The following LEKR1 variants were observed in gnomAD, a reference collection of about 807,000 sequenced individuals.
LEKR1 encodes leucine, glutamate and lysine rich 1, also known as protein LEKR1.
In LEKR1, 59 loss-of-function variants were observed where a neutral mutation model predicts 72.4. The ratio of observed to expected loss-of-function variants is 0.82; its 90% CI spans 0.66 to 1.01. The LOEUF (loss-of-function observed/expected upper bound fraction) is 1.01, where lower values mean the gene tolerates loss of function less well. Among genes scored for constraint, LEKR1 ranks in the 50% least tolerant of loss-of-function variants. The pLI, the probability that LEKR1 is intolerant of heterozygous loss-of-function variation, is 0.00. For synonymous variants in LEKR1, 257 were observed against 263.2 expected (o/e 0.98, Z 0.23); for missense variants, 728 against 759.2 (o/e 0.96, Z 0.48).
At chr3:156,967,898 G>A (rs1211899153) in intron 6 of LEKR1, among the ~76,000 whole-genome samples, 9 of 152,174 alleles carry the variant, frequency 5.9e-5, no homozygotes, top group Non-Finnish European at 1.2e-4. Context: ...ACCCACAAAG[G>A]GAAGCCCATT....
At chr3:156,931,644 A>G (rs1314778375) in intron 5 of LEKR1, among the ~76,000 whole-genome samples, 2 of 152,204 alleles carry the variant, frequency 1.3e-5, no homozygotes, top group South Asian at 2.1e-4. Flanking sequence ...AAAGAAAACA[A>G]TTGAATATAT....
chr3:157,011,799 A>G (rs947873435), intron 10 of LEKR1, among the ~76,000 whole-genome samples: 6 of 152,138 alleles, frequency 3.9e-5, no homozygotes, highest in African/African-American at 1.4e-4. Flanking sequence ...CTCATCAACT[A>G]TCACAATCTA....
At chr3:156,956,205 A>T (rs570827403) in intron 6 of LEKR1, among the ~76,000 whole-genome samples, 1 of 152,088 alleles carries the variant, frequency 6.6e-6, no homozygotes, top group East Asian at 1.9e-4. Context: ...TCTGGTGAGG[A>T]TGTAGCTTCT....
chr3:156,932,912 C>T (rs999700783), intron 5 of LEKR1, among the ~76,000 whole-genome samples: 12 of 151,676 alleles, frequency 7.9e-5, no homozygotes, highest in Non-Finnish European at 2.9e-5. Context: ...CACCTGTAGT[C>T]CCAGCAGCTT....
chr3:156,869,712 A>G (rs1047308554), intron 3 of LEKR1, among the ~76,000 whole-genome samples: 3 of 151,790 alleles, frequency 2.0e-5, no homozygotes, highest in African/African-American at 4.8e-5. Context: ...TTAGTTTAAT[A>G]TAGTCCCATT....
intron 3 of LEKR1, among the ~76,000 whole-genome samples, chr3:156,917,986 A>G (rs561614676): frequency 3.3e-5 from 5 of 152,228 alleles, no homozygotes; most frequent in African/African-American, 1.2e-4. Context: ...AGGTGTCAGG[A>G]GAAGAATTAC....
chr3:156,859,564 T>C (rs190032900), intron 3 of LEKR1, among the ~76,000 whole-genome samples: 124 of 152,314 alleles, frequency 8.1e-4, no homozygotes, highest in African/African-American at 2.8e-3. Context: ...ACATTTGTTA[T>C]AGTTGATAAA....
intron 12 of LEKR1, among the ~76,000 whole-genome samples, chr3:157,032,080 T>TGAGA (rs143205047): frequency 1.1e-4 from 15 of 132,296 alleles, no homozygotes; most frequent in East Asian, 2.2e-4. Flanking sequence ...GGAGAGAGAG[T>TGAGA]GAGAGAGAGA....
intron 3 of LEKR1, among the ~76,000 whole-genome samples, chr3:156,891,302 G>A (rs1464367089): frequency 6.6e-6 from 1 of 152,078 alleles, no homozygotes; most frequent in East Asian, 1.9e-4. Context: ...TTGCATAAGG[G>A]TAAGAAAAAA....
chr3:157,014,511 G>T (rs190866069), intron 10 of LEKR1, among the ~76,000 whole-genome samples: 1 of 152,152 alleles, frequency 6.6e-6, no homozygotes, highest in East Asian at 1.9e-4. Context: ...AATTCCTAAC[G>T]TGTTTTAGTA....
intron 6 of LEKR1, among the ~76,000 whole-genome samples, chr3:156,969,889 C>A (rs1239079692): frequency 1.3e-5 from 2 of 152,192 alleles, no homozygotes; most frequent in Non-Finnish European, 2.9e-5. Context: ...TACTGGCAAA[C>A]CATATCCAGC....
chr3:156,930,505 G>A (rs940872901), intron 5 of LEKR1, among the ~76,000 whole-genome samples: 1 of 151,884 alleles, frequency 6.6e-6, no homozygotes, highest in African/African-American at 2.4e-5. Context: ...TGACATGGCA[G>A]AATATTTTAT....
chr3:156,838,953 G>C (rs1476009902), intron 2 of LEKR1, among the ~76,000 whole-genome samples: 2 of 152,138 alleles, frequency 1.3e-5, no homozygotes, highest in African/African-American at 4.8e-5. Context: ...ATGCCACAGA[G>C]GAGATGGAGT....
intron 5 of LEKR1, among the ~76,000 whole-genome samples, chr3:156,928,809 C>A (rs949374993): frequency 1.3e-5 from 2 of 152,008 alleles, no homozygotes; most frequent in African/African-American, 4.8e-5. Context: ...CTATGAGAAA[C>A]AGATTTAACA....
intron 1 of LEKR1, among the ~76,000 whole-genome samples, chr3:156,828,809 A>G (rs907213134): frequency 1.3e-5 from 2 of 152,180 alleles, no homozygotes; most frequent in African/African-American, 4.8e-5. Context: ...ATCATATTTA[A>G]TATGGTATCT....
At chr3:156,879,380 G>A (rs2108550959) in intron 3 of LEKR1, among the ~76,000 whole-genome samples, 1 of 152,252 alleles carries the variant, frequency 6.6e-6, no homozygotes, top group African/African-American at 2.4e-5. Flanking sequence ...GAACTTCAGG[G>A]ATATGATTTA....
At chr3:156,972,452 C>A (rs894464660) in intron 6 of LEKR1, among the ~76,000 whole-genome samples, 2 of 151,818 alleles carry the variant, frequency 1.3e-5, no homozygotes, top group Admixed American at 1.3e-4. Flanking sequence ...ATGTAACTAA[C>A]CTGCACGTTG....
intron 3 of LEKR1, chr3:156,888,472 C>G: frequency 1.5e-6 from 1 of 683,350 alleles, no homozygotes; most frequent in Non-Finnish European, 2.7e-6. Flanking sequence ...GAAATGAAGT[C>G]AATGGATTTA....
At chr3:156,994,470 TC>T (rs1378451789) in intron 9 of LEKR1, among the ~76,000 whole-genome samples, 1 of 152,058 alleles carries the variant, frequency 6.6e-6, no homozygotes, top group Non-Finnish European at 1.5e-5. Flanking sequence ...AGAGCTGATA[TC>T]CCCCCACCAT....
Sources: allele counts gnomAD v4.1 joint callset (sites outside exome capture counted in the v4.1 genomes callset), GRCh38; gene constraint gnomAD v4.1.1; transcripts MANE v1.5; gene names NCBI Gene and HGNC (gene_info 2026-07-23, HGNC 2026-07-21).